The following PALD1 variants were observed in gnomAD, a reference collection of about 807,000 sequenced individuals.
The protein encoded by PALD1 is phosphatase domain containing paladin 1, also known as paladin.
A neutral mutation model predicts 96.0 loss-of-function variants in PALD1; 57 were observed. That is an observed-to-expected ratio of 0.59 (90% CI 0.48 to 0.74). PALD1 has a LOEUF of 0.74. PALD1 is among the 30% of genes least tolerant of loss of function. The pLI is 0.00. For synonymous variants in PALD1, 464 were observed against 473.6 expected, an observed-to-expected ratio of 0.98 and a Z score of 0.26; for missense variants, 1,063 against 1,143.7, an observed-to-expected ratio of 0.93 and a Z score of 1.02.
rs760144312 is a variant in PALD1 at position 70,531,365 on chromosome 10, C to T, written c.544C>T (p.Pro182Ser). The T allele has an allele frequency of 1.9e-6, 3 of 1,613,908 alleles. No homozygotes were observed. The highest frequency in any genetic ancestry group is 1.3e-5 in the African/African-American group (1 of 74,904). Residue 182 changes from proline (P) to serine (S), a missense_variant, in exon 5 of 20, where the codon CCT becomes TCT. Transcript: ENST00000263563. ...RADEDFVSYT[P>S]RDKQNLHENL... ...AGATGAGGACTTTGTGTCCTACACA[C>T]CTCGAGACAAGCAGAACCTTCATGA...
chr10:70,568,314 T>G lies in PALD1; in HGVS notation c.*1581T>G, dbSNP rs1033225213. The stretch of plus-strand genomic sequence containing the variant: ...GACCACTGGCTGATCACATCACCTC[T>G]CTGCCTCAGTTTCCCCATCTGTAAA... On this transcript the variant is annotated 3_prime_UTR_variant, in exon 20 of 20. Coordinates refer to ENST00000263563, the MANE Select transcript of PALD1 (RefSeq NM_014431.3). The G allele has an allele frequency of 7.2e-5, 11 of 152,658 alleles. No individual in the cohort carries two copies. The highest frequency in any genetic ancestry group is 2.4e-4 in the African/African-American group (10 of 41,452). 9.5% of individuals were successfully genotyped at this position (152,658 alleles called of 1,614,324 possible).
intron 1 of PALD1, 50 bp from the exon 2 acceptor site, chr10:70,525,873 C>T (rs1467221849): frequency 1.4e-6 from 2 of 1,467,232 alleles, no homozygotes; most frequent in Non-Finnish European, 1.9e-6. Flanking sequence ...AGGTCTCCTG[C>T]TGTGGATTTT....
At chr10:70,518,366 A>G (rs146514080) in intron 1 of PALD1, among the ~76,000 whole-genome samples, 110 of 152,268 alleles carry the variant, frequency 7.2e-4, no homozygotes, top group African/African-American at 2.6e-3. Context: ...CTAAGAGTGG[A>G]ATTGCCGGGT....
upstream of PALD1, among the ~76,000 whole-genome samples, chr10:70,474,370 G>T (rs1332725277): frequency 1.3e-5 from 2 of 152,138 alleles, no homozygotes; most frequent in Non-Finnish European, 2.9e-5. Context: ...AGACCAGACT[G>T]GCCAACATGG....
rs758605757 is a variant in PALD1, at chr10:70,529,212, C to A, written c.186-17C>A. 0.021 allele frequency: 825 copies of A among 38,420 alleles called. 32 individuals carry two copies. Among genetic ancestry groups the A allele is most frequent in the East Asian group, 0.093 (138 of 1,490 alleles). 2.4% of individuals were successfully genotyped at this position (38,420 alleles called of 1,614,324 possible). The stretch of plus-strand genomic sequence containing the variant: ...GCTTGACTCAGTTTCCATTCTGCCC[C>A]CCCCCCCCCCCCCCAGGTACAACTG... On this transcript the variant is annotated splice_polypyrimidine_tract_variant and intron_variant, in intron 2 of 19. Coordinates refer to ENST00000263563, the MANE Select transcript of PALD1 (RefSeq NM_014431.3).
the PALD1 span, among the ~76,000 whole-genome samples, chr10:70,463,443 C>G: frequency 6.6e-6 from 1 of 151,992 alleles, no homozygotes; most frequent in Non-Finnish European, 1.5e-5. Flanking sequence ...TGACTTTACT[C>G]TCCTCTCACC....
At chr10:70,561,704 C>T (rs1051257129) in intron 18 of PALD1, among the ~76,000 whole-genome samples, 1 of 152,136 alleles carries the variant, frequency 6.6e-6, no homozygotes, top group African/African-American at 2.4e-5. Context: ...ATACCCACTC[C>T]AGGCCTGGCC....
chr10:70,534,028 G>A lies in PALD1; in HGVS notation c.977G>A (p.Gly326Asp), dbSNP rs1413375695. Residue 326 changes from glycine (G) to aspartate (D), a missense_variant, in exon 8 of 20, where the codon GGC (glycine) becomes GAC (aspartate). Gly to Asp is a moderately conservative substitution (Grantham distance 94). Transcript: ENST00000263563. ...VGRTNLGMVL[G>D]TLILLHRSGT... is the part of the protein sequence containing the mutation. ...AGGACCAACCTGGGCATGGTCCTGG[G>A]CACCCTCATCCTGCTTCACCGCAGT... 1 of 1,612,342 alleles carries A rather than the reference G, an allele frequency of 6.2e-7. No homozygotes were observed.
chr10:70,538,595 C>T (rs1847163666), intron 12 of PALD1, among the ~76,000 whole-genome samples, 187 bp downstream of exon 12: 3 of 151,228 alleles, frequency 2.0e-5, no homozygotes, highest in African/African-American at 7.2e-5. Context: ...GCATTTGCAG[C>T]TTTGGCAGCT....
At chr10:70,548,660 G>T (rs553347832) in intron 18 of PALD1, among the ~76,000 whole-genome samples, 1 of 152,340 alleles carries the variant, frequency 6.6e-6, no homozygotes, top group Non-Finnish European at 1.5e-5. Context: ...CCCACTGCTG[G>T]CCAGCAATTC....
chr10:70,556,866 G>A (rs571137577), intron 18 of PALD1, among the ~76,000 whole-genome samples: 55 of 152,232 alleles, frequency 3.6e-4, no homozygotes, highest in African/African-American at 1.2e-3. Context: ...TCATTGTCCC[G>A]ATTGTGGTTG....
intron 1 of PALD1, among the ~76,000 whole-genome samples, chr10:70,503,544 G>A (rs1846334515): frequency 6.6e-6 from 1 of 152,106 alleles, no homozygotes; most frequent in Non-Finnish European, 1.5e-5. Context: ...GCTGAGGCAT[G>A]AATCGCTTGA....
upstream of PALD1, among the ~76,000 whole-genome samples, chr10:70,474,415 T>C (rs985329233): frequency 6.6e-6 from 1 of 151,936 alleles, no homozygotes; most frequent in East Asian, 1.9e-4. Context: ...ACAAAAATTA[T>C]CTGGGCGTGG....
At chr10:70,537,551 T>G (rs1327326757) in intron 10 of PALD1, among the ~76,000 whole-genome samples, 1 of 152,232 alleles carries the variant, frequency 6.6e-6, no homozygotes, top group Non-Finnish European at 1.5e-5. Flanking sequence ...GGGAGCCTGC[T>G]TGGGGAGACC....
chr10:70,539,431 TG>T lies in PALD1; in HGVS notation c.1726-143del. 8 of 1,002,724 alleles carry T rather than the reference TG, an allele frequency of 8.0e-6. No individual in the cohort carries two copies. The highest frequency in any genetic ancestry group is 3.4e-5 in the South Asian group (2 of 59,080). 62.1% of individuals were successfully genotyped at this position (1,002,724 alleles called of 1,614,324 possible). A position where few individuals can be genotyped will look rare whatever the true frequency, so the allele number is the denominator to read the frequency against. The stretch of plus-strand genomic sequence containing the variant: ...AGTGCTCTGCTAACCTGCTTGGCTT[TG>T]GGGGGTGGCTGTGACCCCTGAGGCT... On this transcript the variant is annotated intron_variant, in intron 14 of 19. Coordinates refer to ENST00000263563, the MANE Select transcript of PALD1 (RefSeq NM_014431.3). The surrounding 1 kb of genome is among the most constrained non-coding windows in gnomAD (Gnocchi z 4.5).
At chr10:70,541,580 A>C (rs1368767056) in intron 17 of PALD1, 46 bp downstream of exon 17, 1 of 1,445,688 alleles carries the variant, frequency 6.9e-7, no homozygotes, top group South Asian at 1.2e-5. Flanking sequence ...GGATGGGAGG[A>C]GGAGGAGGAC....
At chr10:70,504,806 T>C (rs527304683) in intron 1 of PALD1, among the ~76,000 whole-genome samples, 29 of 152,300 alleles carry the variant, frequency 1.9e-4, no homozygotes, top group Admixed American at 5.9e-4. Context: ...ACCACAGATA[T>C]GTAATGTGAA....
intron 10 of PALD1, among the ~76,000 whole-genome samples, chr10:70,535,609 TC>T (rs1416087164): frequency 1.4e-5 from 2 of 144,382 alleles, no homozygotes; most frequent in Non-Finnish European, 3.1e-5. Context: ...TCCTTCCTCT[TC>T]CTCCTTCTCC....
chr10:70,559,514 G>T (rs545540588), intron 18 of PALD1, among the ~76,000 whole-genome samples: 4 of 152,304 alleles, frequency 2.6e-5, no homozygotes, highest in African/African-American at 9.6e-5. Flanking sequence ...GACAGCAGGG[G>T]GCGGGAGAGG....
Sources: allele counts gnomAD v4.1 joint callset (sites outside exome capture counted in the v4.1 genomes callset), GRCh38; gene constraint gnomAD v4.1.1; non-coding constraint Gnocchi (gnomAD v3.1); transcripts MANE v1.5; gene names NCBI Gene and HGNC (gene_info 2026-07-23, HGNC 2026-07-21).